NLGN1: variants seen among roughly 807,000 people sequenced by gnomAD.
The protein encoded by NLGN1 is neuroligin 1, also known as neuroligin-1.
A neutral mutation model predicts 65.5 loss-of-function variants in NLGN1; 12 were observed. The ratio of observed to expected loss-of-function variants is 0.18; its 90% CI spans 0.12 to 0.30. NLGN1 has a LOEUF of 0.30. NLGN1 is among the 10% of genes least tolerant of loss of function. NLGN1 has a pLI of 1.00. For synonymous variants in NLGN1, 350 were observed against 359.5 expected (o/e 0.97, Z 0.30); for missense variants, 750 against 1,007.1 (o/e 0.74, Z 3.46).
intron 3 of NLGN1, among the ~76,000 whole-genome samples, chr3:173,675,592 G>A (rs886332251): frequency 2.0e-5 from 3 of 151,998 alleles, no homozygotes; most frequent in Non-Finnish European, 4.4e-5. Context: ...TTTTATTCTT[G>A]GTAGCTGATA....
chr3:174,222,015 C>A (rs1455738442), intron 4 of NLGN1, among the ~76,000 whole-genome samples: 2 of 152,092 alleles, frequency 1.3e-5, no homozygotes, highest in African/African-American at 4.8e-5. Context: ...TGAGAAGATC[C>A]TATTTACAAA....
At chr3:173,854,843 T>A (rs1169950385) in intron 4 of NLGN1, among the ~76,000 whole-genome samples, 1 of 152,070 alleles carries the variant, frequency 6.6e-6, no homozygotes, top group Non-Finnish European at 1.5e-5. Context: ...AACTTACATC[T>A]CTCATTACAT....
chr3:173,725,285 A>G (rs1771583334), intron 3 of NLGN1, among the ~76,000 whole-genome samples: 1 of 152,222 alleles, frequency 6.6e-6, no homozygotes. Context: ...TTTTATAGGT[A>G]TGATACATTC....
At chr3:174,264,585 TA>T (rs1175200852) in intron 4 of NLGN1, among the ~76,000 whole-genome samples, 1 of 148,922 alleles carries the variant, frequency 6.7e-6, no homozygotes, top group Non-Finnish European at 1.5e-5. Context: ...TACATTCTTC[TA>T]AATTTTTTTC....
At chr3:173,870,479 G>A (rs1328313768) in intron 4 of NLGN1, among the ~76,000 whole-genome samples, 5 of 152,224 alleles carry the variant, frequency 3.3e-5, no homozygotes, top group South Asian at 4.1e-4. Context: ...CAAATTTATC[G>A]CCAAATTTAT....
At chr3:174,018,639 T>C (rs1300128414) in intron 4 of NLGN1, among the ~76,000 whole-genome samples, 1 of 152,138 alleles carries the variant, frequency 6.6e-6, no homozygotes, top group Non-Finnish European at 1.5e-5. Flanking sequence ...AGAAACGTTC[T>C]TAAAACAAAA....
intron 4 of NLGN1, among the ~76,000 whole-genome samples, chr3:173,830,310 G>A (rs979141185): frequency 6.6e-6 from 1 of 152,078 alleles, no homozygotes; most frequent in African/African-American, 2.4e-5. Flanking sequence ...AGCAGAGAGA[G>A]GAAAGAAGAT....
chr3:173,561,639 ATTAG>A (rs1444037098), intron 2 of NLGN1, among the ~76,000 whole-genome samples: 6 of 152,200 alleles, frequency 3.9e-5, no homozygotes, highest in South Asian at 2.1e-4. Flanking sequence ...TATAATAAAT[ATTAG>A]TTAAAGACTT....
At chr3:173,737,574 A>G (rs529583014) in intron 3 of NLGN1, among the ~76,000 whole-genome samples, 7 of 152,214 alleles carry the variant, frequency 4.6e-5, no homozygotes, top group African/African-American at 1.7e-4. Flanking sequence ...CTCACATCAT[A>G]GCATGTATCA....
At chr3:174,128,460 TC>T (rs1266642590) in intron 4 of NLGN1, among the ~76,000 whole-genome samples, 1 of 152,332 alleles carries the variant, frequency 6.6e-6, no homozygotes, top group East Asian at 1.9e-4. Flanking sequence ...CCTTACTTGA[TC>T]CTTACAACGG....
At chr3:173,974,228 CA>C (rs770985861) in intron 4 of NLGN1, among the ~76,000 whole-genome samples, 3,292 of 116,300 alleles carry the variant, frequency 0.028, 48 homozygotes, top group Admixed American at 0.038. Flanking sequence ...TACTTCATTC[CA>C]AAAAAAAAAA....
At chr3:173,455,517 A>G (rs1394339350) in intron 2 of NLGN1, among the ~76,000 whole-genome samples, 2 of 152,210 alleles carry the variant, frequency 1.3e-5, no homozygotes. Flanking sequence ...TAGTAATCAA[A>G]ACATTTTAAA....
At chr3:174,092,678 G>T (rs932153154) in intron 4 of NLGN1, among the ~76,000 whole-genome samples, 14 of 152,012 alleles carry the variant, frequency 9.2e-5, no homozygotes, top group Admixed American at 8.5e-4. Context: ...GGGAAATTGG[G>T]TCTCTAGGGC....
intron 4 of NLGN1, among the ~76,000 whole-genome samples, chr3:174,122,860 G>A (rs1382033693): frequency 6.6e-6 from 1 of 151,436 alleles, no homozygotes. Context: ...TGTCAGACAT[G>A]TACAAAGTCA....
chr3:173,446,353 A>G (rs1350996296), intron 2 of NLGN1, among the ~76,000 whole-genome samples: 1 of 151,978 alleles, frequency 6.6e-6, no homozygotes, highest in Non-Finnish European at 1.5e-5. Context: ...GCTGAGAATG[A>G]TGGTTTCCAG....
At chr3:173,407,279 A>G (rs1215513416) in intron 1 of NLGN1, among the ~76,000 whole-genome samples, 2 of 152,218 alleles carry the variant, frequency 1.3e-5, no homozygotes, top group African/African-American at 4.8e-5. Flanking sequence ...TAAATTTTCA[A>G]TGGTCTTTCC....
At chr3:173,860,460 G>A (rs927984269) in intron 4 of NLGN1, among the ~76,000 whole-genome samples, 1 of 151,966 alleles carries the variant, frequency 6.6e-6, no homozygotes, top group South Asian at 2.1e-4. Context: ...TTTCTTTGGT[G>A]TTCCATTATA....
chr3:173,934,417 A>G (rs963946582), intron 4 of NLGN1, among the ~76,000 whole-genome samples: 1 of 151,748 alleles, frequency 6.6e-6, no homozygotes, highest in Non-Finnish European at 1.5e-5. Flanking sequence ...AATGACGTCA[A>G]TAGTAAACAT....
At chr3:173,901,510 AT>A (rs1347454917) in intron 4 of NLGN1, among the ~76,000 whole-genome samples, 1 of 151,804 alleles carries the variant, frequency 6.6e-6, no homozygotes, top group Non-Finnish European at 1.5e-5. Flanking sequence ...ACTAAAGAGT[AT>A]TTCTTATTTT....
Sources: allele counts gnomAD v4.1 joint callset (sites outside exome capture counted in the v4.1 genomes callset), GRCh38; gene constraint gnomAD v4.1.1; transcripts MANE v1.5; gene names NCBI Gene and HGNC (gene_info 2026-07-23, HGNC 2026-07-21).